The following PTPN12 variants were observed in gnomAD, a reference collection of about 807,000 sequenced individuals.
PTPN12 encodes protein tyrosine phosphatase non-receptor type 12, also known as tyrosine-protein phosphatase non-receptor type 12.
PTPN12 carries 29 observed loss-of-function variants against 97.6 expected under a neutral mutation model. That is an observed-to-expected ratio of 0.30 (90% CI 0.22 to 0.41). PTPN12 has a LOEUF of 0.41. Ranked by LOEUF, PTPN12 falls within the 10% of genes least tolerant of loss-of-function variation. The pLI, the probability that PTPN12 is intolerant of heterozygous loss-of-function variation, is 1.00. For missense variants in PTPN12, 819 were observed against 926.0 expected (o/e 0.88, Z 1.50); for synonymous variants, 327 against 300.4 (o/e 1.09, Z -0.91).
At chr7:77,613,273 C>G (rs1357283991) in intron 11 of PTPN12, among the ~76,000 whole-genome samples, 3 of 139,594 alleles carry the variant, frequency 2.1e-5, no homozygotes, top group Non-Finnish European at 4.5e-5. Context: ...CTCCCGGGTT[C>G]ATGTGATTTT....
intron 1 of PTPN12, among the ~76,000 whole-genome samples, 166 bp downstream of exon 1, chr7:77,537,811 G>A (rs1384100613): frequency 2.0e-5 from 3 of 152,022 alleles, no homozygotes; most frequent in Non-Finnish European, 4.4e-5. Context: ...CGGGAGGCGA[G>A]AGCGCCTCCC....
chr7:77,626,895 A>G lies in PTPN12; in HGVS notation c.1216A>G (p.Asn406Asp), dbSNP rs1789207165. ...VSSEQHSADL[N>D]RNYSKSTELP... The stretch of plus-strand genomic sequence containing the variant: ...ATCAGAACAACATTCAGCAGACCTC[A>G]ACAGAAACTATAGTAAATCAACAGA... The change falls in exon 13 of 18, where the codon AAC becomes GAC. Residue 406 changes from asparagine (N) to aspartate (D), a missense_variant. Asn to Asp is a conservative substitution (Grantham distance 23). Around this residue, in one of 5 missense-constraint regions of PTPN12, gnomAD observed 607 missense variants for 577.3 expected, o/e 1.05. Coordinates refer to ENST00000248594, the MANE Select transcript of PTPN12 (RefSeq NM_002835.4). 3 of 1,612,218 alleles carry G rather than the reference A, an allele frequency of 1.9e-6. No homozygotes were observed. Among genetic ancestry groups the G allele is most frequent in the Non-Finnish European group, 2.5e-6 (3 of 1,178,820 alleles).
In PTPN12 at chr7:77,599,588, C is replaced by T. The variant is rs193173007; in HGVS notation, c.553-1076C>T. 7.9e-5 allele frequency among the ~76,000 whole-genome samples: 12 copies of T among 152,276 alleles called. No individual in the cohort carries two copies. In the East Asian group the frequency reaches 2.1e-3, roughly 27 times the overall value. On this transcript the variant is annotated intron_variant, in intron 7 of 17. Transcript: ENST00000248594. ...GGATTACAGATGTGAGCCACTGAAT[C>T]TGGACTGGTTGCTAATTTTTTAATC...
intron 13 of PTPN12, among the ~76,000 whole-genome samples, chr7:77,630,656 C>G (rs1330118104): frequency 6.6e-6 from 1 of 152,104 alleles, no homozygotes. Flanking sequence ...TAGTGCATGA[C>G]TATAATGGAA....
chr7:77,556,577 C>T (rs982239535), intron 1 of PTPN12, among the ~76,000 whole-genome samples: 23 of 152,196 alleles, frequency 1.5e-4, no homozygotes, highest in Non-Finnish European at 2.6e-4. Flanking sequence ...CGGCCAGGCA[C>T]AGTGGCTCAC....
chr7:77,573,299 G>A (rs1207122498), intron 2 of PTPN12, among the ~76,000 whole-genome samples: 1 of 152,060 alleles, frequency 6.6e-6, no homozygotes, highest in Non-Finnish European at 1.5e-5. Context: ...ACAGACATTT[G>A]TATCTTCAAA....
chr7:77,584,875 T>TC (rs1787639003), intron 4 of PTPN12, among the ~76,000 whole-genome samples: 2 of 135,682 alleles, frequency 1.5e-5, no homozygotes, highest in Non-Finnish European at 3.2e-5. Context: ...AGACTCCGTC[T>TC]CAAAAAAAAA....
intron 13 of PTPN12, 58 bp from the exon 14 acceptor site, chr7:77,632,290 C>T (rs1452692321): frequency 6.3e-6 from 8 of 1,264,876 alleles, no homozygotes; most frequent in Non-Finnish European, 9.2e-6. Flanking sequence ...CAAGAAAGCT[C>T]TCTGATTTTG....
chr7:77,618,598 G>C, intron 12 of PTPN12, 33 bp downstream of exon 12: 1 of 1,414,646 alleles, frequency 7.1e-7, no homozygotes, highest in Non-Finnish European at 9.9e-7. Context: ...TTCTTTAAAA[G>C]CATACTTGTT....
At chr7:77,610,620 A>G (rs1788539092) in intron 9 of PTPN12, 145 bp from the exon 10 acceptor site, 2 of 838,518 alleles carry the variant, frequency 2.4e-6, no homozygotes, top group Admixed American at 6.0e-5. Context: ...AGTGCCAAGC[A>G]CAGTGTCTGA....
chr7:77,551,241 A>T (rs1021250826), intron 1 of PTPN12, among the ~76,000 whole-genome samples: 18 of 152,022 alleles, frequency 1.2e-4, no homozygotes, highest in Non-Finnish European at 2.5e-4. Context: ...TTGTATTTTT[A>T]GTATAGACAA....
chr7:77,537,721 A>G, intron 1 of PTPN12, 76 bp downstream of exon 1: 5 of 1,477,674 alleles, frequency 3.4e-6, no homozygotes, highest in African/African-American at 2.9e-5. Flanking sequence ...CCGGGCCGCC[A>G]GTGCTTTGTG....
intron 11 of PTPN12, among the ~76,000 whole-genome samples, chr7:77,615,326 T>A (rs1408502654): frequency 1.3e-5 from 2 of 152,246 alleles, no homozygotes; most frequent in African/African-American, 4.8e-5. Context: ...TATTTTCTTC[T>A]GCAGCTGATA....
At chr7:77,550,360 GTAAA>G (rs1807424903) in intron 1 of PTPN12, among the ~76,000 whole-genome samples, 1 of 151,908 alleles carries the variant, frequency 6.6e-6, no homozygotes, top group Non-Finnish European at 1.5e-5. Flanking sequence ...ATGGAATTAA[GTAAA>G]TAAATGTTAT....
In PTPN12 at chr7:77,583,612, A is replaced by T; in HGVS notation, c.343A>T (p.Ile115Leu). ...TCAAGGACCTTTAGCAAATACAGTA[A>T]TAGATTTTTGGAGGATGATATGGGA... ...ATQGPLANTV[I>L]DFWRMIWEYN... Residue 115 changes from isoleucine to leucine, a missense_variant, in exon 4 of 18, where the codon ATA (isoleucine) becomes TTA (leucine). Around this residue, in one of 5 missense-constraint regions of PTPN12, gnomAD observed 66 missense variants for 133.6 expected, o/e 0.49. Transcript: ENST00000248594. 1 of 1,611,146 alleles carries T rather than the reference A, an allele frequency of 6.2e-7. No individual in the cohort carries two copies. The highest frequency in any genetic ancestry group is 8.5e-7 in the Non-Finnish European group (1 of 1,178,500).
rs374773742 is a variant in PTPN12 at position 77,597,692 on chromosome 7, CTT to C, written c.493-147_493-146del. 198 of 1,070,820 alleles carry C rather than the reference CTT, an allele frequency of 1.8e-4. 1 individual carries two copies. Among genetic ancestry groups the C allele is most frequent in the Middle Eastern group, 3.1e-4 (1 of 3,200 alleles). 66.3% of individuals were successfully genotyped at this position (1,070,820 alleles called of 1,614,324 possible). On this transcript the variant is annotated intron_variant, in intron 6 of 17. Coordinates refer to ENST00000248594, the MANE Select transcript of PTPN12 (RefSeq NM_002835.4). ...TTCAAACATTTCAAATGTTTGATGA[CTT>C]TTAGAATTTTTTTATAATTATCAGG...
chr7:77,635,700 G>C, intron 14 of PTPN12, 82 bp from the exon 15 acceptor site: 1 of 782,226 alleles, frequency 1.3e-6, no homozygotes, highest in Admixed American at 3.8e-5. Flanking sequence ...AAATCTTTAG[G>C]ATCTGTTTTT....
chr7:77,575,575 A>C (rs144886812), intron 2 of PTPN12, among the ~76,000 whole-genome samples: 1 of 152,256 alleles, frequency 6.6e-6, no homozygotes, highest in South Asian at 2.1e-4. Context: ...CAGTGCTTGC[A>C]GAAATAGAAT....
Position 77,625,472 on chromosome 7 carries a change from GCTCTCTCTCTCTCTCT to G in PTPN12, c.1026-1197_1026-1182del, listed in dbSNP as rs775712037. 8.9e-4 allele frequency among the ~76,000 whole-genome samples: 30 copies of G among 33,530 alleles called. 2 individuals carry two copies. Among genetic ancestry groups the G allele is most frequent in the Admixed American group, 1.5e-3 (3 of 1,984 alleles). The allele number at this position is 33,530 out of a possible 152,430, so 22.0% of individuals were successfully genotyped here. On this transcript the variant is annotated intron_variant, in intron 12 of 17. Coordinates refer to ENST00000248594, the MANE Select transcript of PTPN12 (RefSeq NM_002835.4). ...TTTTGCCATATTGCCCAGGCTGCTC[GCTCTCTCTCTCTCTCT>G]CTCTCTCTCTCTCTCTCTCTCTCTC... is the stretch of plus-strand genomic sequence containing the variant.
Sources: allele counts gnomAD v4.1 joint callset (sites outside exome capture counted in the v4.1 genomes callset), GRCh38; gene constraint gnomAD v4.1.1; regional missense constraint gnomAD v4.1.1; transcripts MANE v1.5; gene names NCBI Gene and HGNC (gene_info 2026-07-23, HGNC 2026-07-21).